The following ABI3BP variants were observed in gnomAD, a reference collection of about 807,000 sequenced individuals.
ABI3BP encodes target of Nesh-SH3.
Under a neutral mutation model 268.6 loss-of-function variants are expected in ABI3BP, and 216 were observed. The observed-to-expected ratio is 0.80, with a 90% confidence interval of 0.72 to 0.90. The LOEUF is 0.90. Ranked by LOEUF, ABI3BP falls within the 40% of genes least tolerant of loss-of-function variation. The pLI, the probability that ABI3BP is intolerant of heterozygous loss-of-function variation, is 0.00. For synonymous variants in ABI3BP, 730 were observed against 730.0 expected, an observed-to-expected ratio of 1.00 and a Z score of 0.00; for missense variants, 2,090 against 2,182.4, an observed-to-expected ratio of 0.96 and a Z score of 0.84.
chr3:100,828,464 TAATAAA>T lies in ABI3BP; in HGVS notation c.2543-18_2543-13del. On this transcript the variant is annotated splice_polypyrimidine_tract_variant and intron_variant, in intron 33 of 67. Transcript: ENST00000471714. ...GATTGTAGCAGGAACTGGCCAAAAA[TAATAAA>T]AATAAAACACCAACAAAACATTAAA... The T allele has an allele frequency of 6.5e-7, 1 of 1,529,520 alleles. No individual in the cohort carries two copies. The highest frequency in any genetic ancestry group is 8.8e-7 in the Non-Finnish European group (1 of 1,142,340). The allele number at this position is 1,529,520 out of a possible 1,614,324, so 94.7% of individuals were successfully genotyped here.
chr3:100,889,268 C>T (rs1448184333), intron 4 of ABI3BP, among the ~76,000 whole-genome samples: 1 of 152,002 alleles, frequency 6.6e-6, no homozygotes. Flanking sequence ...AAAAGAGAGC[C>T]CAAGAAGTGT....
Position 100,834,735 on chromosome 3 carries a change from G to T in ABI3BP, c.2230C>A (p.Arg744Ser), listed in dbSNP as rs756801597. Residue 744 changes from arginine (R) to serine (S), a missense_variant, in exon 29 of 68, where the codon CGT becomes AGT. Arg to Ser is a moderately radical substitution (Grantham distance 110, BLOSUM62 -1). Transcript: ENST00000471714. ...CGTGGCGTGGTTTTATGTTTGGGAC[G>T]TGGACGACGTGTTCTTGTTCGTTGC... ...TSQRTRTRRP[R>S]PKHKTTPRPE... The T allele has an allele frequency of 2.0e-6, 3 of 1,535,768 alleles. No individual in the cohort carries two copies. Among genetic ancestry groups the T allele is most frequent in the South Asian group, 2.4e-5 (2 of 84,064 alleles).
In ABI3BP at chr3:100,753,818, C is replaced by A; in HGVS notation, c.4960+1G>T. 1.2e-6 allele frequency: 2 copies of A among 1,611,080 alleles called. No individual in the cohort carries two copies. The highest frequency in any genetic ancestry group is 2.2e-5 in the East Asian group (1 of 44,792). ...TGTGCCTCATTGAGACAGGTACTTA[C>A]CAGAAACTGGCTCACTCACTCTTGG... On this transcript the variant is annotated splice_donor_variant, in intron 65 of 67. Transcript: ENST00000471714. LOFTEE classifies it high-confidence loss of function.
chr3:100,784,802 G>T (rs1212518000), intron 57 of ABI3BP, among the ~76,000 whole-genome samples: 2 of 152,102 alleles, frequency 1.3e-5, no homozygotes. Flanking sequence ...AAAACTATAT[G>T]TTCTTACTTA....
At position 100,960,374 on chromosome 3, in the gene ABI3BP, A is replaced by C. The variant is rs1028284106; in HGVS notation, c.79+32932T>G. 2.0e-5 allele frequency among the ~76,000 whole-genome samples: 3 copies of C among 152,242 alleles called. No homozygotes were observed. In the South Asian group the frequency reaches 6.2e-4, roughly 32 times the overall value. ...AATACTCAAATAATTTCTTAAAATA[A>C]ATGAACACCAAATCACATATCCAAA... On this transcript the variant is annotated intron_variant, in intron 1 of 67. Coordinates refer to ENST00000471714, the MANE Select transcript of ABI3BP (RefSeq NM_001375547.2).
intron 1 of ABI3BP, among the ~76,000 whole-genome samples, chr3:100,992,414 G>A: frequency 6.6e-6 from 1 of 152,168 alleles, no homozygotes. Flanking sequence ...CAAGCCTGCA[G>A]CTCTGCATTA....
At chr3:100,762,094 GTTA>G (rs149238158) in intron 63 of ABI3BP, among the ~76,000 whole-genome samples, 9 of 152,088 alleles carry the variant, frequency 5.9e-5, no homozygotes, top group South Asian at 2.1e-4. Context: ...TATGACTAGA[GTTA>G]TTATTATTAT....
At chr3:100,865,342 C>G (rs902751447) in intron 10 of ABI3BP, among the ~76,000 whole-genome samples, 2 of 152,134 alleles carry the variant, frequency 1.3e-5, no homozygotes, top group African/African-American at 4.8e-5. Context: ...AAGGATGACT[C>G]TGGGCTAAAA....
At chr3:100,955,891 A>T (rs2076638924) in intron 1 of ABI3BP, among the ~76,000 whole-genome samples, 1 of 152,116 alleles carries the variant, frequency 6.6e-6, no homozygotes, top group East Asian at 1.9e-4. Flanking sequence ...AATAAGTAAA[A>T]CATGTGGTAT....
At chr3:100,808,863 A>G (rs2097778618) in intron 49 of ABI3BP, among the ~76,000 whole-genome samples, 1 of 152,048 alleles carries the variant, frequency 6.6e-6, no homozygotes, top group Non-Finnish European at 1.5e-5. Context: ...AAATTGAAAA[A>G]TCTATCCTGC....
intron 1 of ABI3BP, among the ~76,000 whole-genome samples, chr3:100,972,739 T>C (rs1385167287): frequency 6.6e-6 from 1 of 152,166 alleles, no homozygotes; most frequent in Non-Finnish European, 1.5e-5. Flanking sequence ...TCCTTTCACA[T>C]CAACATGCAT....
intron 21 of ABI3BP, among the ~76,000 whole-genome samples, chr3:100,841,523 A>G (rs1404306158): frequency 6.6e-6 from 1 of 152,108 alleles, no homozygotes; most frequent in African/African-American, 2.4e-5. Context: ...TCTCAGAACC[A>G]CTGCTAAGTC....
intron 1 of ABI3BP, among the ~76,000 whole-genome samples, chr3:100,982,243 G>A (rs1426424689): frequency 6.6e-6 from 1 of 152,086 alleles, no homozygotes; most frequent in Non-Finnish European, 1.5e-5. Flanking sequence ...GGATTATGGG[G>A]ATTACAATTC....
At position 100,926,464 on chromosome 3, in the gene ABI3BP, T is replaced by C; in HGVS notation, c.97A>G (p.Lys33Glu). Reference protein sequence around the residue: ...KLPKGKRPNLKVHINTTSDSI... With the variant: ...KLPKGKRPNLEVHINTTSDSI... ...TCACTTGTGGTATTGATGTGGACTT[T>C]GAGGTTTGGCCTTTTACCTAACAAT... The change falls in exon 2 of 68, where the codon AAA becomes GAA. Residue 33 changes from lysine (K) to glutamate (E), a missense_variant. Lys to Glu is a moderately conservative substitution (Grantham distance 56). Coordinates refer to ENST00000471714, the MANE Select transcript of ABI3BP (RefSeq NM_001375547.2). 2 of 1,613,200 alleles carry C rather than the reference T, an allele frequency of 1.2e-6. No homozygotes were observed. The highest frequency in any genetic ancestry group is 1.7e-6 in the Non-Finnish European group (2 of 1,179,420).
intron 36 of ABI3BP, among the ~76,000 whole-genome samples, chr3:100,824,124 T>C (rs970592983): frequency 6.6e-6 from 1 of 152,154 alleles, no homozygotes; most frequent in African/African-American, 2.4e-5. Context: ...TCAAAGACTT[T>C]TGATGTCTCT....
chr3:100,840,779 G>A (rs1560672567), intron 22 of ABI3BP, 41 bp downstream of exon 22: 1 of 1,497,518 alleles, frequency 6.7e-7, no homozygotes, highest in Non-Finnish European at 9.0e-7. Context: ...CAGCAGACAG[G>A]AAAAGAAGAA....
chr3:100,873,746 G>A (rs1196372380), intron 9 of ABI3BP, among the ~76,000 whole-genome samples: 1 of 152,208 alleles, frequency 6.6e-6, no homozygotes, highest in Non-Finnish European at 1.5e-5. Flanking sequence ...TAGGGGAGGA[G>A]AAAGTAAGGG....
At position 100,862,335 on chromosome 3, in the gene ABI3BP, A is replaced by C. The variant is rs2099007445; in HGVS notation, c.1261T>G (p.Ser421Ala). 1.2e-6 allele frequency: 2 copies of C among 1,604,032 alleles called. No homozygotes were observed. The highest frequency in any genetic ancestry group is 2.2e-5 in the East Asian group (1 of 44,762). Residue 421 changes from serine (S) to alanine (A), a missense_variant, in exon 14 of 68, where the codon TCC (serine) becomes GCC (alanine). Coordinates refer to ENST00000471714, the MANE Select transcript of ABI3BP (RefSeq NM_001375547.2). Reference sequence around the variant, plus strand: ...CCAGTTTGAGGCTGCAGAACTTTGGAATCTTCAGATATTTTAGCTGTAGGC... The same window carrying C: ...CCAGTTTGAGGCTGCAGAACTTTGGCATCTTCAGATATTTTAGCTGTAGGC... ...IVPTAKISED[S>A]KVLQPQTATY...
At chr3:100,899,478 A>G (rs1226048033) in intron 3 of ABI3BP, among the ~76,000 whole-genome samples, 1 of 152,180 alleles carries the variant, frequency 6.6e-6, no homozygotes, top group Non-Finnish European at 1.5e-5. Context: ...AGGCAAACAC[A>G]TTTTTTAACA....
Sources: gnomAD v4.1 joint callset for allele counts (sites outside exome capture counted in the v4.1 genomes callset) on GRCh38, gnomAD v4.1.1 for gene constraint, MANE v1.5 for transcripts, NCBI Gene and HGNC (gene_info 2026-07-23, HGNC 2026-07-21) for gene names.